Variants in GNA11 observed in about 807,000 individuals in gnomAD.
The protein encoded by GNA11 is guanine nucleotide-binding protein subunit alpha-11.
In GNA11, 8 loss-of-function variants were observed where a neutral mutation model predicts 38.2. That is an observed-to-expected ratio of 0.21 (90% confidence interval 0.12 to 0.38). The LOEUF (loss-of-function observed/expected upper bound fraction) is 0.38. Among genes scored for constraint, GNA11 ranks in the 10% least tolerant of loss-of-function variants. The probability of loss-of-function intolerance (pLI) is 1.00; values close to 1 mark genes in which losing one functional copy is unlikely to be tolerated. For synonymous variants in GNA11, 211 were observed against 221.4 expected (o/e 0.95, Z 0.42); for missense variants, 268 against 516.3 (o/e 0.52, Z 4.66).
chr19:3,118,669 A>G, intron 4 of GNA11: 1 of 461,164 alleles, frequency 2.2e-6, no homozygotes, highest in Non-Finnish European at 3.9e-6. Flanking sequence ...ACACCCCCAC[A>G]CTAGCGCCCG....
intron 4 of GNA11, among the ~76,000 whole-genome samples, chr19:3,116,991 C>T (rs1370911855): frequency 1.3e-5 from 2 of 152,108 alleles, no homozygotes; most frequent in African/African-American, 4.8e-5. Context: ...GAGGATGCGG[C>T]GTGAAGATGG....
At chr19:3,096,947 C>T (rs963532221) in intron 1 of GNA11, among the ~76,000 whole-genome samples, 1 of 152,170 alleles carries the variant, frequency 6.6e-6, no homozygotes, top group African/African-American at 2.4e-5. Flanking sequence ...ATGCGACAGA[C>T]CCTCAGAAAA....
In GNA11 at chr19:3,121,101, G is replaced by A. The variant is rs555203104; in HGVS notation, c.1002G>A (p.Thr334=). ...CACACTTCACGTGTGCCACCGACACGGAGAACATCCGCTTCGTGTTCGCGG... is the reference window on the plus strand; with the variant it reads ...CACACTTCACGTGTGCCACCGACACAGAGAACATCCGCTTCGTGTTCGCGG... ...IYSHFTCATD[T]ENIRFVFAAV... The change falls in exon 7 of 7, where the codon ACG becomes ACA. Residue 334 remains threonine, a synonymous_variant. Transcript: ENST00000078429. The A allele has an allele frequency of 1.1e-5, 17 of 1,613,880 alleles. No homozygotes were observed. The highest frequency in any genetic ancestry group is 2.7e-5 in the African/African-American group (2 of 75,030).
chr19:3,106,854 C>T (rs1913652275), intron 1 of GNA11, among the ~76,000 whole-genome samples: 1 of 152,240 alleles, frequency 6.6e-6, no homozygotes, highest in Non-Finnish European at 1.5e-5. Flanking sequence ...ACCTCCCTCC[C>T]CCATCAGTGT....
chr19:3,121,255 G>A lies in GNA11; in HGVS notation c.*76G>A, dbSNP rs1372320409. The A allele has an allele frequency of 3.3e-6, 4 of 1,227,602 alleles. No individual in the cohort carries two copies. The highest frequency in any genetic ancestry group is 5.1e-5 in the East Asian group (2 of 39,370). 76.0% of individuals were successfully genotyped at this position (1,227,602 alleles called of 1,614,324 possible). Reference sequence around the variant, plus strand: ...CCACGGAGCCTGCGGCTGCCGGGCGGGTGGCGCTGCCGAGTCCGGGCCGGG... The same window carrying A: ...CCACGGAGCCTGCGGCTGCCGGGCGAGTGGCGCTGCCGAGTCCGGGCCGGG... On this transcript the variant is annotated 3_prime_UTR_variant, in exon 7 of 7. Transcript: ENST00000078429.
chr19:3,097,756 C>T (rs1044185031), intron 1 of GNA11, among the ~76,000 whole-genome samples: 1 of 152,352 alleles, frequency 6.6e-6, no homozygotes, highest in Non-Finnish European at 1.5e-5. Flanking sequence ...CTGTTCACGC[C>T]TCAGATGGGC....
rs537841745 is a variant in GNA11, at chr19:3,119,449, G to A, written c.889+90G>A. ...TATGGGAGAGGGGCTCATACAGGCC[G>A]GGAGCTCTAAGGGAGGGCGTCTGAT... On this transcript the variant is annotated intron_variant, in intron 6 of 6. Transcript: ENST00000078429. The surrounding 1 kb of genome is among the most constrained non-coding windows in gnomAD (Gnocchi z 4.6). 455 of 1,262,982 alleles carry A rather than the reference G, an allele frequency of 3.6e-4. 2 individuals are homozygous for A. Among genetic ancestry groups the A allele is most frequent in the Non-Finnish European group, 4.6e-4 (409 of 898,184 alleles). The allele number at this position is 1,262,982 out of a possible 1,614,324, so 78.2% of individuals were successfully genotyped here. A position where few individuals can be genotyped will look rare whatever the true frequency, so the allele number is the denominator to read the frequency against.
At chr19:3,099,942 TC>T (rs1301925905) in intron 1 of GNA11, among the ~76,000 whole-genome samples, 1 of 151,906 alleles carries the variant, frequency 6.6e-6, no homozygotes, top group African/African-American at 2.4e-5. Flanking sequence ...CTCAGTTTCC[TC>T]AGGGGGCGGT....
chr19:3,101,245 G>A (rs1217544665), intron 1 of GNA11, among the ~76,000 whole-genome samples: 1 of 152,142 alleles, frequency 6.6e-6, no homozygotes, highest in Non-Finnish European at 1.5e-5. Flanking sequence ...ATGGGTGCTG[G>A]GCCCCGCCAC....
rs1361757908 is a variant in GNA11, at chr19:3,119,388, C to G, written c.889+29C>G. On this transcript the variant is annotated intron_variant, in intron 6 of 6. Transcript: ENST00000078429. The surrounding 1 kb of genome is among the most constrained non-coding windows in gnomAD (Gnocchi z 4.6). The stretch of plus-strand genomic sequence containing the variant: ...CGCCGGGCTGCGGCATGGGGAGGGG[C>G]TCGCGGGCAGGGCCTTACTGGGGGG... 3 of 1,605,294 alleles carry G rather than the reference C, an allele frequency of 1.9e-6. No homozygotes were observed. The East Asian group carries it at 6.7e-5, about 36-fold the overall frequency.
chr19:3,116,139 G>A (rs552421136), intron 4 of GNA11, among the ~76,000 whole-genome samples: 35 of 152,188 alleles, frequency 2.3e-4, no homozygotes, highest in African/African-American at 7.5e-4. Flanking sequence ...CAGCAGAGCC[G>A]GGTTCTCCCT....
At chr19:3,096,071 C>T (rs1180591196) in intron 1 of GNA11, among the ~76,000 whole-genome samples, 1 of 152,082 alleles carries the variant, frequency 6.6e-6, no homozygotes, top group Non-Finnish European at 1.5e-5. Flanking sequence ...GCAGCGGTGA[C>T]GGAGGAGGGG....
chr19:3,095,209 T>G (rs1187148756), intron 1 of GNA11, among the ~76,000 whole-genome samples: 1 of 152,146 alleles, frequency 6.6e-6, no homozygotes, highest in Non-Finnish European at 1.5e-5. Flanking sequence ...CCTGTGTCTG[T>G]CCTGTCTGGA....
chr19:3,106,167 T>G (rs1355971148), intron 1 of GNA11, among the ~76,000 whole-genome samples: 1 of 151,938 alleles, frequency 6.6e-6, no homozygotes, highest in East Asian at 1.9e-4. Context: ...GCCACATGGC[T>G]GCCGGTCGGG....
intron 1 of GNA11, among the ~76,000 whole-genome samples, chr19:3,098,364 A>G (rs1441060695): frequency 6.6e-6 from 1 of 152,184 alleles, no homozygotes; most frequent in African/African-American, 2.4e-5. Flanking sequence ...CAGCTCTTGG[A>G]TCTGGGTTCC....
In GNA11 at chr19:3,110,996, G is replaced by A. The variant is rs1376297771; in HGVS notation, c.321+663G>A. On this transcript the variant is annotated intron_variant, in intron 2 of 6. Transcript: ENST00000078429. This position sits in a 1 kb window ranked among gnomAD's most constrained non-coding sequence, Gnocchi z 5.4. The stretch of plus-strand genomic sequence containing the variant: ...TTTTGTAGAGATGGAATTTCACCAT[G>A]TTGCCCAGGCTGGTCTTGAACTCCT... Among the ~76,000 whole-genome samples the A allele has an allele frequency of 6.6e-6, 1 of 152,026 alleles. No individual in the cohort carries two copies. The highest frequency in any genetic ancestry group is 1.5e-5 in the Non-Finnish European group (1 of 68,016).
chr19:3,110,837 C>T lies in GNA11; in HGVS notation c.321+504C>T, dbSNP rs1000450360. Among the ~76,000 whole-genome samples, 5 of 152,006 alleles carry T rather than the reference C, an allele frequency of 3.3e-5. No individual in the cohort carries two copies. Among genetic ancestry groups the T allele is most frequent in the Non-Finnish European group, 5.9e-5 (4 of 68,022 alleles). On this transcript the variant is annotated intron_variant, in intron 2 of 6. Transcript: ENST00000078429. The surrounding 1 kb of genome is among the most constrained non-coding windows in gnomAD (Gnocchi z 5.4). The stretch of plus-strand genomic sequence containing the variant: ...TTTTGAAAACAGGGTCTCGCTCTGT[C>T]GCCCAGGCTGGAGTGCAGTGGAATG...
In GNA11 at chr19:3,123,239, CG is replaced by C; in HGVS notation, c.*2064del. 1 of 233,324 alleles carries C rather than the reference CG, an allele frequency of 4.3e-6. No homozygotes were observed. Among genetic ancestry groups the C allele is most frequent in the South Asian group, 1.8e-4 (1 of 5,534 alleles). 14.5% of individuals were successfully genotyped at this position (233,324 alleles called of 1,614,324 possible). ...GCCCAGCACGCAGGCCGGGGCGCTG[CG>C]GGGCTAAGTATTAGGCCTTCCCAGG... On this transcript the variant is annotated 3_prime_UTR_variant, in exon 7 of 7. Coordinates refer to ENST00000078429, the MANE Select transcript of GNA11 (RefSeq NM_002067.5).
At chr19:3,096,605 G>A (rs907089396) in intron 1 of GNA11, among the ~76,000 whole-genome samples, 18 of 152,280 alleles carry the variant, frequency 1.2e-4, no homozygotes, top group African/African-American at 4.3e-4. Context: ...TTGGCTGCTT[G>A]GAGCAAGTCT....
Sources: gnomAD v4.1 joint callset for allele counts (sites outside exome capture counted in the v4.1 genomes callset) on GRCh38, gnomAD v4.1.1 for gene constraint, Gnocchi (gnomAD v3.1) non-coding constraint, MANE v1.5 for transcripts, NCBI Gene and HGNC (gene_info 2026-07-23, HGNC 2026-07-21) for gene names.